The following NUDT5 variants were observed in gnomAD, a reference collection of about 807,000 sequenced individuals.
NUDT5 encodes the protein nudix hydrolase 5, also known as ADP-sugar pyrophosphatase.
In NUDT5, 21 loss-of-function variants were observed where a neutral mutation model predicts 34.1. That is an observed-to-expected ratio of 0.62 (90% CI 0.44 to 0.89). NUDT5 has a LOEUF of 0.89. Ranked by LOEUF, NUDT5 falls within the 40% of genes least tolerant of loss-of-function variation. The pLI is 0.00. For missense variants in NUDT5, 249 were observed against 274.8 expected, an observed-to-expected ratio of 0.91 and a Z score of 0.66; for synonymous variants, 85 against 97.6, an observed-to-expected ratio of 0.87 and a Z score of 0.76.
chr10:12,176,357 A>T (rs570450079), intron 5 of NUDT5, among the ~76,000 whole-genome samples: 145 of 152,316 alleles, frequency 9.5e-4, no homozygotes, highest in African/African-American at 3.5e-3. Context: ...TAATCCCAGC[A>T]CTTTGAGAGG....
At chr10:12,190,606 CTTTTT>C (rs1013405393) in intron 1 of NUDT5, among the ~76,000 whole-genome samples, 1 of 127,946 alleles carries the variant, frequency 7.8e-6, no homozygotes, top group African/African-American at 3.0e-5. Flanking sequence ...ATGATAAAGC[CTTTTT>C]TTTTTTTTTT....
At chr10:12,183,724 G>C (rs1835080767) in intron 3 of NUDT5, among the ~76,000 whole-genome samples, 1 of 152,010 alleles carries the variant, frequency 6.6e-6, no homozygotes, top group East Asian at 1.9e-4. Context: ...AAAGAAAAAA[G>C]GTTAACCACA....
At chr10:12,179,581 T>C (rs1835013073) in intron 3 of NUDT5, among the ~76,000 whole-genome samples, 2 of 152,244 alleles carry the variant, frequency 1.3e-5, no homozygotes, top group South Asian at 4.1e-4. Flanking sequence ...TTTTGATTTT[T>C]AAAATATGTG....
intron 3 of NUDT5, among the ~76,000 whole-genome samples, chr10:12,180,718 C>A (rs1835028686): frequency 6.6e-6 from 1 of 152,220 alleles, no homozygotes; most frequent in Non-Finnish European, 1.5e-5. Context: ...AAGCCCAGAG[C>A]TCCAGCCTCC....
intron 4 of NUDT5, 76 bp from the exon 5 acceptor site, chr10:12,177,976 A>T (rs189090771): frequency 9.7e-7 from 1 of 1,026,710 alleles, no homozygotes; most frequent in Admixed American, 2.0e-5. Flanking sequence ...AGAGCAAGCT[A>T]ATGAAAACCC....
chr10:12,193,399 G>A (rs1184466015), intron 1 of NUDT5, among the ~76,000 whole-genome samples: 1 of 152,170 alleles, frequency 6.6e-6, no homozygotes, highest in East Asian at 1.9e-4. Context: ...AGAAAGAAAT[G>A]TGTTTTTTCA....
At chr10:12,174,285 A>C (rs1218142955) in intron 5 of NUDT5, among the ~76,000 whole-genome samples, 8 of 141,158 alleles carry the variant, frequency 5.7e-5, no homozygotes, top group Admixed American at 5.6e-4. Context: ...TTTTTTTTGA[A>C]GATGGGAGTC....
At chr10:12,188,514 C>T (rs940945601) in intron 1 of NUDT5, among the ~76,000 whole-genome samples, 9 of 152,084 alleles carry the variant, frequency 5.9e-5, no homozygotes, top group Non-Finnish European at 1.0e-4. Context: ...GGGTGGATCA[C>T]GAGGTCAAGA....
chr10:12,177,406 C>T (rs1834969470), intron 5 of NUDT5, among the ~76,000 whole-genome samples: 4 of 151,900 alleles, frequency 2.6e-5, no homozygotes, highest in African/African-American at 9.7e-5. Context: ...GTAGTCCCAG[C>T]CACTCGGGAG....
At chr10:12,183,537 CTT>C (rs1338768703) in intron 3 of NUDT5, among the ~76,000 whole-genome samples, 2 of 152,206 alleles carry the variant, frequency 1.3e-5, no homozygotes, top group African/African-American at 4.8e-5. Context: ...TATTGGATCA[CTT>C]TGCAAATGGA....
Position 12,170,850 on chromosome 10 carries a change from C to T in NUDT5, c.496+50G>A. The T allele has an allele frequency of 6.2e-7, 1 of 1,613,482 alleles. No individual in the cohort carries two copies. The highest frequency in any genetic ancestry group is 8.5e-7 in the Non-Finnish European group (1 of 1,179,446). ...CAACCCAAAATGTCTGCAGCCATCA[C>T]CACTACACTAAGTCATACACGCTCG... On this transcript the variant is annotated intron_variant, in intron 8 of 9. Coordinates refer to ENST00000491614, the MANE Select transcript of NUDT5 (RefSeq NM_014142.4). The surrounding 1 kb of genome is among the most constrained non-coding windows in gnomAD (Gnocchi z 4.9).
At chr10:12,183,038 C>T (rs1203431961) in intron 3 of NUDT5, among the ~76,000 whole-genome samples, 4 of 152,158 alleles carry the variant, frequency 2.6e-5, no homozygotes, top group Non-Finnish European at 5.9e-5. Flanking sequence ...CGCTTGGCCT[C>T]AAACACATGT....
Position 12,187,486 on chromosome 10 carries a change from G to A in NUDT5, c.-41-1154C>T, listed in dbSNP as rs1035469083. ...CCTCTTTCTTTATTCCTTCATTTTC[G>A]GACCTTGCCTGTCCGAAGGTCAAAG... On this transcript the variant is annotated intron_variant, in intron 1 of 9. Transcript: ENST00000491614. The surrounding 1 kb of genome is among the most constrained non-coding windows in gnomAD (Gnocchi z 5.4). Among the ~76,000 whole-genome samples the A allele has an allele frequency of 3.3e-5, 5 of 151,864 alleles. No individual in the cohort carries two copies. The highest frequency in any genetic ancestry group is 7.3e-5 in the African/African-American group (3 of 41,348).
At position 12,170,833 on chromosome 10, in the gene NUDT5, A is replaced by T. The variant is rs1834838501; in HGVS notation, c.497-63T>A. 1.2e-6 allele frequency: 2 copies of T among 1,613,340 alleles called. No individual in the cohort carries two copies. The highest frequency in any genetic ancestry group is 2.2e-5 in the East Asian group (1 of 44,880). On this transcript the variant is annotated intron_variant, in intron 8 of 9. Coordinates refer to ENST00000491614, the MANE Select transcript of NUDT5 (RefSeq NM_014142.4). The surrounding 1 kb of genome is among the most constrained non-coding windows in gnomAD (Gnocchi z 4.9). ...TCAAGAGCCTACCAAAACAACCCAA[A>T]ATGTCTGCAGCCATCACCACTACAC...
chr10:12,171,735 A>G lies in NUDT5; in HGVS notation c.488-827T>C, dbSNP rs200067428. Among the ~76,000 whole-genome samples, 1 of 118,912 alleles carries G rather than the reference A, an allele frequency of 8.4e-6. No homozygotes were observed. Among genetic ancestry groups the G allele is most frequent in the African/African-American group, 3.0e-5 (1 of 33,346 alleles). The allele number at this position is 118,912 out of a possible 152,430, so 78.0% of individuals were successfully genotyped here. The stretch of plus-strand genomic sequence containing the variant: ...TATTTATTTATTTATTTATTTATTT[A>G]TTTTTTGGAGACAGGGTCTCAGTCT... On this transcript the variant is annotated intron_variant, in intron 7 of 9. Transcript: ENST00000491614. The surrounding 1 kb of genome is among the most constrained non-coding windows in gnomAD (Gnocchi z 4.2).
intron 5 of NUDT5, among the ~76,000 whole-genome samples, chr10:12,177,367 A>G (rs946937900): frequency 2.0e-5 from 3 of 151,368 alleles, no homozygotes; most frequent in Admixed American, 2.0e-4. Flanking sequence ...AAAATACAAA[A>G]AATTAGCCGG....
rs1290508217 is a variant in NUDT5, at chr10:12,168,181, C to T, written c.551-370G>A. The stretch of plus-strand genomic sequence containing the variant: ...CTGGGACTATAGGCGCACGCCACCA[C>T]GCCCAGCTAATTTTTGTATTTTTAG... On this transcript the variant is annotated intron_variant, in intron 9 of 9. Coordinates refer to ENST00000491614, the MANE Select transcript of NUDT5 (RefSeq NM_014142.4). The surrounding 1 kb of genome is among the most constrained non-coding windows in gnomAD (Gnocchi z 4.8). Among the ~76,000 whole-genome samples the T allele has an allele frequency of 2.0e-5, 3 of 152,038 alleles. No homozygotes were observed. Among genetic ancestry groups the T allele is most frequent in the Non-Finnish European group, 2.9e-5 (2 of 67,992 alleles).
chr10:12,178,258 C>A (rs1834987778), intron 4 of NUDT5, among the ~76,000 whole-genome samples: 1 of 152,186 alleles, frequency 6.6e-6, no homozygotes, highest in South Asian at 2.1e-4. Context: ...GAGGCCACAG[C>A]CATCCCTGTG....
At chr10:12,174,868 C>G (rs979813624) in intron 5 of NUDT5, among the ~76,000 whole-genome samples, 10 of 152,222 alleles carry the variant, frequency 6.6e-5, no homozygotes, top group Admixed American at 2.6e-4. Context: ...TTGTCTTCCT[C>G]CCTCATAGTA....
Sources: gnomAD v4.1 joint callset for allele counts (sites outside exome capture counted in the v4.1 genomes callset) on GRCh38, gnomAD v4.1.1 for gene constraint, Gnocchi (gnomAD v3.1) non-coding constraint, MANE v1.5 for transcripts, NCBI Gene and HGNC (gene_info 2026-07-23, HGNC 2026-07-21) for gene names.